Variants in IFT52 observed in about 807,000 individuals in gnomAD.
IFT52 encodes intraflagellar transport 52.
In IFT52, 44 loss-of-function variants were observed where a neutral mutation model predicts 54.4. The observed-to-expected ratio is 0.81, with a 90% CI of 0.63 to 1.04. The LOEUF is 1.04. Among genes scored for constraint, IFT52 ranks in the 50% least tolerant of loss-of-function variants. The probability of loss-of-function intolerance (pLI) is 0.00; values close to 1 mark genes in which losing one functional copy is unlikely to be tolerated. For missense variants in IFT52, 452 were observed against 523.6 expected, an observed-to-expected ratio of 0.86 and a Z score of 1.33; for synonymous variants, 181 against 185.3, an observed-to-expected ratio of 0.98 and a Z score of 0.19.
rs554920528 is a variant in IFT52, at chr20:43,627,922, G to GTTTT, written c.923+3897_923+3900dup. ...ATATATATAGAGAGAGAGAGAGAGA[G>GTTTT]TTTTTTTTTTTTTTTTTTTTTTTGA... On this transcript the variant is annotated intron_variant, in intron 10 of 13. Coordinates refer to ENST00000373030, the MANE Select transcript of IFT52 (RefSeq NM_016004.5). Among the ~76,000 whole-genome samples, 152 of 56,080 alleles carry GTTTT rather than the reference G, an allele frequency of 2.7e-3. 7 individuals are homozygous for GTTTT. Among genetic ancestry groups the GTTTT allele is most frequent in the African/African-American group, 3.5e-3 (44 of 12,446 alleles). 36.8% of individuals were successfully genotyped at this position (56,080 alleles called of 152,430 possible). A position where few individuals can be genotyped will look rare whatever the true frequency, so the allele number is the denominator to read the frequency against.
intron 10 of IFT52, among the ~76,000 whole-genome samples, chr20:43,634,066 A>G (rs1244060083): frequency 6.6e-6 from 1 of 151,968 alleles, no homozygotes; most frequent in African/African-American, 2.4e-5. Flanking sequence ...CTGGCTACTC[A>G]GGAGGCTGAG....
chr20:43,641,716 G>A (rs989397091), intron 12 of IFT52, among the ~76,000 whole-genome samples: 3 of 151,792 alleles, frequency 2.0e-5, no homozygotes, highest in Non-Finnish European at 4.4e-5. Flanking sequence ...GGCTGGTCTC[G>A]AACTCCTGAC....
chr20:43,635,814 T>C, intron 10 of IFT52, 112 bp from the exon 11 acceptor site: 1 of 892,858 alleles, frequency 1.1e-6, no homozygotes, highest in Admixed American at 2.2e-5. Flanking sequence ...GTGGTATTTC[T>C]AAAAATAGTA....
chr20:43,596,496 C>T lies in IFT52; in HGVS notation c.181C>T (p.Pro61Ser). 1 of 1,605,334 alleles carries T rather than the reference C, an allele frequency of 6.2e-7. No homozygotes were observed. Among genetic ancestry groups the T allele is most frequent in the South Asian group, 1.1e-5 (1 of 90,248 alleles). The change falls in exon 3 of 14, where the codon CCA becomes TCA. Residue 61 changes from proline (P) to serine (S), a missense_variant. Physicochemically the swap from Pro to Ser is moderately conservative, Grantham distance 74. Coordinates refer to ENST00000373030, the MANE Select transcript of IFT52 (RefSeq NM_016004.5). Reference protein sequence around the residue: ...NGVKLWITAGPREKFTAAEFE... With the variant: ...NGVKLWITAGSREKFTAAEFE... ...AGTGAAACTGTGGATTACAGCTGGG[C>T]CAAGGGAAAAATTTACTGCAGCTGA...
At chr20:43,634,871 T>A (rs1985415025) in intron 10 of IFT52, among the ~76,000 whole-genome samples, 1 of 152,074 alleles carries the variant, frequency 6.6e-6, no homozygotes, top group African/African-American at 2.4e-5. Flanking sequence ...TAGCTCCCAC[T>A]TATAAGGACA....
intron 3 of IFT52, among the ~76,000 whole-genome samples, chr20:43,600,134 A>G (rs751027054): frequency 3.9e-5 from 6 of 152,152 alleles, no homozygotes; most frequent in Non-Finnish European, 5.9e-5. Context: ...ACACTTCTTT[A>G]TGTTTGACAT....
intron 6 of IFT52, among the ~76,000 whole-genome samples, chr20:43,606,413 A>C (rs1982888444): frequency 6.6e-6 from 1 of 151,192 alleles, no homozygotes; most frequent in African/African-American, 2.4e-5. Context: ...AGCTGGGATT[A>C]CAGGCATCTG....
intron 10 of IFT52, among the ~76,000 whole-genome samples, chr20:43,625,746 C>T (rs897168291): frequency 2.0e-4 from 30 of 152,062 alleles, no homozygotes; most frequent in Admixed American, 1.9e-3. Context: ...GAGATCAGGC[C>T]TGGCCTACTT....
intron 3 of IFT52, among the ~76,000 whole-genome samples, chr20:43,597,314 T>G (rs545526058): frequency 6.8e-6 from 1 of 148,106 alleles, no homozygotes; most frequent in South Asian, 2.1e-4. Flanking sequence ...GAGCTTGCTG[T>G]GTGCCAAGAT....
chr20:43,596,189 T>C (rs73272200), intron 2 of IFT52, among the ~76,000 whole-genome samples: 3,701 of 152,324 alleles, frequency 0.024, 114 homozygotes, highest in African/African-American at 0.072. Flanking sequence ...GACTTCCTTA[T>C]GCTTTAGCAT....
chr20:43,611,757 C>A (rs6093860), intron 6 of IFT52, among the ~76,000 whole-genome samples: 118,841 of 151,846 alleles, frequency 0.78, 46,839 homozygotes, highest in Non-Finnish European at 0.82. Flanking sequence ...AGGCCGGTCA[C>A]AGTGGCTCAC....
At position 43,637,099 on chromosome 20, in the gene IFT52, A is replaced by G. The variant is rs1017240211; in HGVS notation, c.1012-46A>G. On this transcript the variant is annotated intron_variant, in intron 11 of 13. Coordinates refer to ENST00000373030, the MANE Select transcript of IFT52 (RefSeq NM_016004.5). ...TTTCTTGAGAGACTTTATTTCCTTT[A>G]CCTTATCCTCCCTCATTTCTAAATA... 3 of 1,288,908 alleles carry G rather than the reference A, an allele frequency of 2.3e-6. No homozygotes were observed. The African/African-American group carries it at 4.4e-5, about 19-fold the overall frequency. The allele number at this position is 1,288,908 out of a possible 1,614,324, so 79.8% of individuals were successfully genotyped here.
intron 10 of IFT52, among the ~76,000 whole-genome samples, chr20:43,628,484 T>C (rs1984911828): frequency 6.6e-6 from 1 of 152,164 alleles, no homozygotes; most frequent in South Asian, 2.1e-4. Context: ...TGAGAAAAGT[T>C]GTTGATTGAA....
intron 13 of IFT52, among the ~76,000 whole-genome samples, chr20:43,643,097 G>T (rs1986032632): frequency 6.6e-6 from 1 of 151,560 alleles, no homozygotes; most frequent in South Asian, 2.1e-4. Context: ...AACCCAGAAG[G>T]CAGAGGTTGT....
At chr20:43,607,698 G>C (rs1983057881) in intron 6 of IFT52, among the ~76,000 whole-genome samples, 2 of 146,256 alleles carry the variant, frequency 1.4e-5, no homozygotes, top group Admixed American at 6.9e-5. Flanking sequence ...TCACATCCCA[G>C]ATGATGGGCG....
intron 13 of IFT52, among the ~76,000 whole-genome samples, chr20:43,642,926 G>A (rs1375769367): frequency 6.6e-6 from 1 of 152,136 alleles, no homozygotes; most frequent in East Asian, 1.9e-4. Flanking sequence ...CAACACTTTG[G>A]GAGGCTGAGG....
chr20:43,638,788 A>G (rs1177238409), intron 12 of IFT52, among the ~76,000 whole-genome samples: 1 of 152,212 alleles, frequency 6.6e-6, no homozygotes, highest in Non-Finnish European at 1.5e-5. Flanking sequence ...TATGACACAG[A>G]CAGAATTTAA....
intron 6 of IFT52, among the ~76,000 whole-genome samples, chr20:43,610,718 G>A (rs562194059): frequency 2.7e-5 from 4 of 150,402 alleles, no homozygotes; most frequent in Admixed American, 1.3e-4. Flanking sequence ...TAGCCTGGGC[G>A]ACAGAGCGAG....
At chr20:43,621,008 C>A in intron 9 of IFT52, 83 bp downstream of exon 9, 1 of 969,318 alleles carries the variant, frequency 1.0e-6, no homozygotes, top group Non-Finnish European at 1.6e-6. Flanking sequence ...AAAAGGAATA[C>A]ATGACTGTCT....
Sources: gnomAD v4.1 joint callset for allele counts (sites outside exome capture counted in the v4.1 genomes callset) on GRCh38, gnomAD v4.1.1 for gene constraint, MANE v1.5 for transcripts, NCBI Gene and HGNC (gene_info 2026-07-23, HGNC 2026-07-21) for gene names.